Variants in BRSK2 observed in about 807,000 individuals in gnomAD.
The protein encoded by BRSK2 is BR serine/threonine kinase 2, also known as serine/threonine-protein kinase BRSK2.
Under a neutral mutation model 83.3 loss-of-function variants are expected in BRSK2, and 19 were observed. The observed-to-expected ratio is 0.23, with a 90% confidence interval of 0.16 to 0.33. The LOEUF (loss-of-function observed/expected upper bound fraction) is 0.33. Ranked by LOEUF, BRSK2 falls within the 10% of genes least tolerant of loss-of-function variation. BRSK2 has a pLI of 1.00. For missense variants in BRSK2, 798 were observed against 1,042.3 expected, an observed-to-expected ratio of 0.77 and a Z score of 3.23; for synonymous variants, 519 against 435.4, an observed-to-expected ratio of 1.19 and a Z score of -2.39.
chr11:1,451,610 A>G (rs12794539), intron 15 of BRSK2, among the ~76,000 whole-genome samples, 191 bp downstream of exon 15: 1 of 152,158 alleles, frequency 6.6e-6, no homozygotes, highest in Non-Finnish European at 1.5e-5. Context: ...AAGGCCAGCC[A>G]GGGGAGGAGC....
intron 1 of BRSK2, chr11:1,410,396 GT>G (rs1309583517): frequency 1.2e-5 from 12 of 972,632 alleles, no homozygotes; most frequent in African/African-American, 1.8e-5. Flanking sequence ...GTTTGGGGGG[GT>G]TTGTGACGTC....
At chr11:1,455,434 G>A (rs940558484) in intron 16 of BRSK2, among the ~76,000 whole-genome samples, 6 of 151,916 alleles carry the variant, frequency 3.9e-5, no homozygotes, top group South Asian at 2.1e-4. Flanking sequence ...GGTTCGCTTC[G>A]GCAGCCTCTC....
chr11:1,390,283 C>G lies in BRSK2; in HGVS notation c.-2C>G. 1 of 1,022,710 alleles carries G rather than the reference C, an allele frequency of 9.8e-7. No individual in the cohort carries two copies. Among genetic ancestry groups the G allele is most frequent in the Non-Finnish European group, 1.2e-6 (1 of 846,262 alleles). The allele number at this position is 1,022,710 out of a possible 1,614,324, so 63.4% of individuals were successfully genotyped here. A position where few individuals can be genotyped will look rare whatever the true frequency, so the allele number is the denominator to read the frequency against. On this transcript the variant is annotated 5_prime_UTR_variant, in exon 1 of 20. Coordinates refer to ENST00000528841, the MANE Select transcript of BRSK2 (RefSeq NM_001256627.2). This position sits in a 1 kb window ranked among gnomAD's most constrained non-coding sequence, Gnocchi z 6.8. ...CCCTGGCCGGCGCCGGGCCCCAGAG[C>G]GATGACATCGACGGGGAAGGACGGC...
chr11:1,425,813 G>A (rs1010323979), intron 1 of BRSK2, among the ~76,000 whole-genome samples: 2 of 152,220 alleles, frequency 1.3e-5, no homozygotes, highest in Non-Finnish European at 2.9e-5. Context: ...TGGCACTCCA[G>A]GCCGTGGCAC....
chr11:1,392,777 C>G (rs1205612158), intron 1 of BRSK2, among the ~76,000 whole-genome samples: 2 of 152,192 alleles, frequency 1.3e-5, no homozygotes, highest in African/African-American at 4.8e-5. Flanking sequence ...GCTGCATGGT[C>G]TCACCTGTAC....
At position 1,438,523 on chromosome 11, in the gene BRSK2, C is replaced by A; in HGVS notation, c.272+132C>A. The A allele has an allele frequency of 1.3e-6, 1 of 776,272 alleles. No homozygotes were observed. Among genetic ancestry groups the A allele is most frequent in the South Asian group, 1.7e-5 (1 of 59,858 alleles). 48.1% of individuals were successfully genotyped at this position (776,272 alleles called of 1,614,324 possible). ...CCTGCTGCATCCCAGCAGCCCTGGC[C>A]CTGCTAGCATGAACACCTGCCTGGG... On this transcript the variant is annotated intron_variant, in intron 3 of 19. Transcript: ENST00000528841. This position sits in a 1 kb window ranked among gnomAD's most constrained non-coding sequence, Gnocchi z 6.4.
intron 1 of BRSK2, among the ~76,000 whole-genome samples, chr11:1,406,329 G>A (rs1259088517): frequency 2.6e-5 from 4 of 152,302 alleles, no homozygotes; most frequent in South Asian, 2.1e-4. Flanking sequence ...AAAATTAGCC[G>A]GGCATGGTGG....
Position 1,460,545 on chromosome 11 carries a change from C to A in BRSK2, c.2033C>A (p.Ser678Ter). 7.0e-7 allele frequency: 1 copy of A among 1,418,496 alleles called. No homozygotes were observed. Among genetic ancestry groups the A allele is most frequent in the South Asian group, 1.2e-5 (1 of 81,848 alleles). 87.9% of individuals were successfully genotyped at this position (1,418,496 alleles called of 1,614,324 possible). A position where few individuals can be genotyped will look rare whatever the true frequency, so the allele number is the denominator to read the frequency against. ...NFFDVIKQLF[S>*]DEKNGQAAQA... ...TTTGACGTAATTAAACAACTTTTTT[C>A]AGACGAGAAGAACGGGCAGGCGGCC... Residue 678 changes from serine (S) to a stop codon, truncating the protein, a stop_gained, in exon 20 of 20, where the codon TCA (serine) becomes TAA (stop). Transcript: ENST00000528841. LOFTEE classifies it high-confidence loss of function.
intron 1 of BRSK2, among the ~76,000 whole-genome samples, chr11:1,404,816 GAC>G (rs1846723940): frequency 6.6e-6 from 1 of 152,196 alleles, no homozygotes; most frequent in Non-Finnish European, 1.5e-5. Context: ...TTACTGCTGC[GAC>G]GGCTCCTCTG....
At chr11:1,444,557 C>T (rs1485397239) in intron 8 of BRSK2, among the ~76,000 whole-genome samples, 1 of 152,124 alleles carries the variant, frequency 6.6e-6, no homozygotes, top group Non-Finnish European at 1.5e-5. Context: ...CTGGCTGCTC[C>T]CTGCTCTCCT....
rs1256864072 is a variant in BRSK2 at position 1,454,234 on chromosome 11, G to A, written c.1545-251G>A. On this transcript the variant is annotated intron_variant, in intron 15 of 19. Transcript: ENST00000528841. The surrounding 1 kb of genome is among the most constrained non-coding windows in gnomAD (Gnocchi z 5.2). ...GGGAGTGGGTGGCATATGGGCCAGGGTCAGGGCGTTAGGGCTTGGAGAAAG... is the reference window on the plus strand; with the variant it reads ...GGGAGTGGGTGGCATATGGGCCAGGATCAGGGCGTTAGGGCTTGGAGAAAG... 2.5e-6 allele frequency: 1 copy of A among 405,746 alleles called. No individual in the cohort carries two copies. The highest frequency in any genetic ancestry group is 4.6e-6 in the Non-Finnish European group (1 of 216,594). 25.1% of individuals were successfully genotyped at this position (405,746 alleles called of 1,614,324 possible).
chr11:1,433,655 A>T (rs1048881985), intron 1 of BRSK2, among the ~76,000 whole-genome samples: 15 of 152,192 alleles, frequency 9.9e-5, no homozygotes, highest in Non-Finnish European at 2.1e-4. Context: ...GTGCCTGGGG[A>T]GGGATGCGCT....
chr11:1,458,371 T>C (rs12221580), intron 18 of BRSK2, among the ~76,000 whole-genome samples: 60,828 of 151,226 alleles, frequency 0.4, 12,785 homozygotes, highest in African/African-American at 0.51. Flanking sequence ...CTCTTGGGGG[T>C]CTATTCTGGG....
At chr11:1,393,759 G>A (rs1354639868) in intron 1 of BRSK2, among the ~76,000 whole-genome samples, 1 of 152,230 alleles carries the variant, frequency 6.6e-6, no homozygotes, top group African/African-American at 2.4e-5. Context: ...CCCAGAAGCT[G>A]GAGGCAGATG....
At chr11:1,435,168 G>A (rs1016539783) in intron 1 of BRSK2, among the ~76,000 whole-genome samples, 4 of 150,558 alleles carry the variant, frequency 2.7e-5, no homozygotes, top group Non-Finnish European at 5.9e-5. Flanking sequence ...GTCCTGGGGT[G>A]AACACAGGGC....
At chr11:1,449,435 A>G (rs1845531924) in intron 12 of BRSK2, among the ~76,000 whole-genome samples, 3 of 152,204 alleles carry the variant, frequency 2.0e-5, no homozygotes, top group South Asian at 4.1e-4. Flanking sequence ...AAGGGGCTGC[A>G]TACAGGAAGC....
rs549695549 is a variant in BRSK2 at position 1,449,940 on chromosome 11, G to T, written c.1287+104G>T. The T allele has an allele frequency of 6.6e-5, 50 of 753,618 alleles. No individual in the cohort carries two copies. In the African/African-American group the frequency reaches 7.0e-4, roughly 11 times the overall value. 46.7% of individuals were successfully genotyped at this position (753,618 alleles called of 1,614,324 possible). Reference sequence around the variant, plus strand: ...GCAGCCTCGCGGACCCTGGGAAGCAGCCCCAGGCGCCCCCCATGCCCACGC... The same window carrying T: ...GCAGCCTCGCGGACCCTGGGAAGCATCCCCAGGCGCCCCCCATGCCCACGC... On this transcript the variant is annotated intron_variant, in intron 13 of 19. Transcript: ENST00000528841.
In BRSK2 at chr11:1,461,357, C is replaced by T. The variant is rs1847481063; in HGVS notation, c.*634C>T. 6.0e-6 allele frequency: 2 copies of T among 333,762 alleles called. No individual in the cohort carries two copies. Among genetic ancestry groups the T allele is most frequent in the South Asian group, 5.9e-5 (2 of 33,658 alleles). The allele number at this position is 333,762 out of a possible 1,614,324, so 20.7% of individuals were successfully genotyped here. On this transcript the variant is annotated 3_prime_UTR_variant, in exon 20 of 20. Coordinates refer to ENST00000528841, the MANE Select transcript of BRSK2 (RefSeq NM_001256627.2). ...CCGTGCCCCGCCTCCCTGGCTGCGC[C>T]GCCTCCGTGTAGTCTTGGCCTCCTC...
intron 16 of BRSK2, among the ~76,000 whole-genome samples, chr11:1,455,409 G>T (rs913478163): frequency 4.3e-4 from 65 of 151,486 alleles, no homozygotes; most frequent in African/African-American, 1.6e-3. Flanking sequence ...CAGGGTCTTG[G>T]CAAGATCAGG....
Sources: allele counts gnomAD v4.1 joint callset (sites outside exome capture counted in the v4.1 genomes callset), GRCh38; gene constraint gnomAD v4.1.1; non-coding constraint Gnocchi (gnomAD v3.1); transcripts MANE v1.5; gene names NCBI Gene and HGNC (gene_info 2026-07-23, HGNC 2026-07-21).